The following ZNF841 variants were observed in gnomAD, a reference collection of about 807,000 sequenced individuals.
The protein encoded by ZNF841 is zinc finger protein 841.
In ZNF841, 11 loss-of-function variants were observed where a neutral mutation model predicts 13.0. The ratio of observed to expected loss-of-function variants is 0.85; its 90% CI spans 0.53 to 1.40. The LOEUF (loss-of-function observed/expected upper bound fraction) is 1.40, where lower values mean the gene tolerates loss of function less well. Among genes scored for constraint, ZNF841 ranks in the 40% most tolerant of loss-of-function variants. The pLI is 0.00. For missense variants in ZNF841, 1,068 were observed against 1,139.5 expected, an observed-to-expected ratio of 0.94 and a Z score of 0.90; for synonymous variants, 369 against 381.6, an observed-to-expected ratio of 0.97 and a Z score of 0.38.
chr19:52,094,783 T>A (rs191702150), intron 1 of ZNF841, among the ~76,000 whole-genome samples: 1 of 152,106 alleles, frequency 6.6e-6, no homozygotes. Flanking sequence ...CCCCACTGTC[T>A]GTCTGTCTGC....
intron 4 of ZNF841, among the ~76,000 whole-genome samples, chr19:52,079,538 G>T (rs905107765): frequency 2.6e-5 from 4 of 151,300 alleles, no homozygotes; most frequent in Non-Finnish European, 4.4e-5. Flanking sequence ...AGAAAAGGGG[G>T]TTTTTCATTT....
In ZNF841 at chr19:52,067,128, C is replaced by A; in HGVS notation, c.754G>T (p.Glu252Ter). Residue 252 changes from glutamate (E) to a stop codon, truncating the protein, a stop_gained, in exon 7 of 7, where the codon GAG becomes TAG. Coordinates refer to ENST00000594440, the MANE Select transcript of ZNF841 (RefSeq NM_001136499.2). LOFTEE classifies it low-confidence loss of function (END_TRUNC). ...FLQLSLPTQD[E>*]KTHIREKPYI... ...GGTTTTTCCCTAATATGTGTTTTCTCGTCTTGTGTAGGTAACGAAAGTTGC... is the reference window on the plus strand; with the variant it reads ...GGTTTTTCCCTAATATGTGTTTTCTAGTCTTGTGTAGGTAACGAAAGTTGC... The A allele has an allele frequency of 1.3e-6, 2 of 1,566,564 alleles. No homozygotes were observed. Among genetic ancestry groups the A allele is most frequent in the Admixed American group, 1.9e-5 (1 of 52,390 alleles).
At chr19:52,087,849 G>A (rs776131270) in intron 3 of ZNF841, among the ~76,000 whole-genome samples, 4 of 151,810 alleles carry the variant, frequency 2.6e-5, no homozygotes, top group Admixed American at 6.6e-5. Context: ...AGCTGGGCAC[G>A]GTGGTCCATG....
At chr19:52,071,810 T>C (rs73578824) in intron 6 of ZNF841, among the ~76,000 whole-genome samples, 2,994 of 152,162 alleles carry the variant, frequency 0.02, 96 homozygotes, top group African/African-American at 0.068. Flanking sequence ...AAAAGAGATA[T>C]AGAAAGCACT....
In ZNF841 at chr19:52,084,786, C is replaced by T; in HGVS notation, c.15+1G>A. ...ACAATCCACCAAGATTATCACTTTACCTGAGGAAGAGCCATCCCTGGCTCC... is the reference window on the plus strand; with the variant it reads ...ACAATCCACCAAGATTATCACTTTATCTGAGGAAGAGCCATCCCTGGCTCC... On this transcript the variant is annotated splice_donor_variant, in intron 4 of 6. Coordinates refer to ENST00000594440, the MANE Select transcript of ZNF841 (RefSeq NM_001136499.2). LOFTEE classifies it high-confidence loss of function. 6.2e-7 allele frequency: 1 copy of T among 1,613,754 alleles called. No homozygotes were observed. The highest frequency in any genetic ancestry group is 8.5e-7 in the Non-Finnish European group (1 of 1,179,816).
Position 52,095,587 on chromosome 19 carries a change from G to T in ZNF841, c.-282C>A, listed in dbSNP as rs1332601955. The T allele has an allele frequency of 1.3e-5, 2 of 152,338 alleles. No homozygotes were observed. The highest frequency in any genetic ancestry group is 2.9e-5 in the Non-Finnish European group (2 of 68,172). 9.4% of individuals were successfully genotyped at this position (152,338 alleles called of 1,614,324 possible). A position where few individuals can be genotyped will look rare whatever the true frequency, so the allele number is the denominator to read the frequency against. ...TTCTCCTACTTACTTGGGACGAAGGGGCTGTTGCGGGTATTTTAAGGTCCG... is the reference window on the plus strand; with the variant it reads ...TTCTCCTACTTACTTGGGACGAAGGTGCTGTTGCGGGTATTTTAAGGTCCG... On this transcript the variant is annotated 5_prime_UTR_variant, in exon 1 of 7. Coordinates refer to ENST00000594440, the MANE Select transcript of ZNF841 (RefSeq NM_001136499.2).
At chr19:52,067,654 G>T in intron 6 of ZNF841, 44 bp from the exon 7 acceptor site, 2 of 1,305,480 alleles carry the variant, frequency 1.5e-6, no homozygotes, top group Non-Finnish European at 2.0e-6. Flanking sequence ...AACTATTATT[G>T]GTAAATATTA....
Position 52,067,465 on chromosome 19 carries a change from C to T in ZNF841, c.417G>A (p.Gln139=). 1 of 1,556,388 alleles carries T rather than the reference C, an allele frequency of 6.4e-7. No individual in the cohort carries two copies. Among genetic ancestry groups the T allele is most frequent in the Middle Eastern group, 1.7e-4 (1 of 6,000 alleles). The change falls in exon 7 of 7, where the codon CAG becomes CAA. Residue 139 remains glutamine (Q), a synonymous_variant. Coordinates refer to ENST00000594440, the MANE Select transcript of ZNF841 (RefSeq NM_001136499.2). Reference sequence around the variant, plus strand: ...CATCTTTCCATTGAAAGTCAACTTCCTGTAGATTTTTCCGGATTTCCCTGA... The same window carrying T: ...CATCTTTCCATTGAAAGTCAACTTCTTGTAGATTTTTCCGGATTTCCCTGA... The part of the protein sequence containing the change: ...FYFREIRKNL[Q]EVDFQWKDGE...
intron 4 of ZNF841, among the ~76,000 whole-genome samples, chr19:52,084,441 T>C (rs1456992281): frequency 6.6e-6 from 1 of 152,226 alleles, no homozygotes; most frequent in Non-Finnish European, 1.5e-5. Context: ...ACAGCTTCTC[T>C]ACTCCTGGTC....
In ZNF841 at chr19:52,093,626, A is replaced by G. The variant is rs574107023; in HGVS notation, c.-144+220T>C. Reference sequence around the variant, plus strand: ...AATAAATTATGGGGTAAAAGTTCAAAAAATGATGGCACTTAATATTCAGAA... The same window carrying G: ...AATAAATTATGGGGTAAAAGTTCAAGAAATGATGGCACTTAATATTCAGAA... On this transcript the variant is annotated intron_variant, in intron 2 of 6. Coordinates refer to ENST00000594440, the MANE Select transcript of ZNF841 (RefSeq NM_001136499.2). Among the ~76,000 whole-genome samples the G allele has an allele frequency of 8.5e-5, 13 of 152,338 alleles. No individual in the cohort carries two copies. In the South Asian group the frequency reaches 2.7e-3, roughly 32 times the overall value.
At chr19:52,085,391 G>A (rs1382103793) in intron 3 of ZNF841, among the ~76,000 whole-genome samples, 1 of 152,228 alleles carries the variant, frequency 6.6e-6, no homozygotes, top group African/African-American at 2.4e-5. Context: ...TGAAGCCAGG[G>A]TTGAACACAT....
At chr19:52,092,798 C>T (rs950058884) in intron 2 of ZNF841, among the ~76,000 whole-genome samples, 3 of 152,128 alleles carry the variant, frequency 2.0e-5, no homozygotes, top group African/African-American at 7.2e-5. Context: ...ATAGCAGAGA[C>T]CATGTATCTG....
intron 2 of ZNF841, among the ~76,000 whole-genome samples, chr19:52,090,952 C>T (rs890966371): frequency 6.6e-6 from 1 of 152,118 alleles, no homozygotes; most frequent in Non-Finnish European, 1.5e-5. Flanking sequence ...AGAATGCAGT[C>T]GTGCAAGCCT....
downstream of ZNF841, among the ~76,000 whole-genome samples, chr19:52,061,798 G>A (rs1448954632): frequency 6.6e-6 from 1 of 152,004 alleles, no homozygotes. Context: ...TGCCCAGCTC[G>A]GCCTCCCAAA....
chr19:52,095,214 G>A (rs2088628553), intron 1 of ZNF841, among the ~76,000 whole-genome samples: 1 of 152,192 alleles, frequency 6.6e-6, no homozygotes, highest in South Asian at 2.1e-4. Context: ...GCTGTGAAGG[G>A]GAAGCCTGGG....
chr19:52,086,801 A>T (rs1407750930), intron 3 of ZNF841, among the ~76,000 whole-genome samples: 1 of 152,232 alleles, frequency 6.6e-6, no homozygotes, highest in Non-Finnish European at 1.5e-5. Flanking sequence ...TAAAGCAGGA[A>T]ATGAAATACA....
chr19:52,076,083 TC>T lies in ZNF841; in HGVS notation c.231del (p.Asn78ThrfsTer8), dbSNP rs2087890313. ...WTVVSQVKIA[R>X]NPNCGECMKG... ...TTCATGCATTCCCCACAGTTTGGGT[TC>T]CTCGCTATTTTCACTTGGCTCACCA... On this transcript the variant is annotated frameshift_variant, in exon 6 of 7. Coordinates refer to ENST00000594440, the MANE Select transcript of ZNF841 (RefSeq NM_001136499.2). LOFTEE classifies it low-confidence loss of function (END_TRUNC). The T allele has an allele frequency of 7.1e-6, 11 of 1,553,568 alleles. No individual in the cohort carries two copies. The highest frequency in any genetic ancestry group is 1.4e-5 in the African/African-American group (1 of 73,224).
At chr19:52,061,751 G>A (rs1464896738), downstream of ZNF841, among the ~76,000 whole-genome samples, 1 of 151,970 alleles carries the variant, frequency 6.6e-6, no homozygotes, top group Non-Finnish European at 1.5e-5. Flanking sequence ...TCTCCATGTT[G>A]GTCAGGCTGG....
chr19:52,075,009 G>A (rs1337131165), intron 6 of ZNF841, among the ~76,000 whole-genome samples: 1 of 152,160 alleles, frequency 6.6e-6, no homozygotes, highest in African/African-American at 2.4e-5. Flanking sequence ...AGTTACCTCT[G>A]TATGTAGCAA....
Sources: allele counts gnomAD v4.1 joint callset (sites outside exome capture counted in the v4.1 genomes callset), GRCh38; gene constraint gnomAD v4.1.1; transcripts MANE v1.5; gene names NCBI Gene and HGNC (gene_info 2026-07-23, HGNC 2026-07-21).